The following CNBD1 variants were observed in gnomAD, a reference collection of about 807,000 sequenced individuals.
The protein encoded by CNBD1 is cyclic nucleotide binding domain containing 1.
Under a neutral mutation model 54.4 loss-of-function variants are expected in CNBD1, and 71 were observed. The observed-to-expected ratio is 1.30, with a 90% CI of 1.08 to 1.59. CNBD1 has a LOEUF of 1.59. Ranked by LOEUF, CNBD1 falls within the 40% of genes most tolerant of loss-of-function variation. The pLI, the probability that CNBD1 is intolerant of heterozygous loss-of-function variation, is 0.00. For missense variants in CNBD1, 659 were observed against 518.0 expected (o/e 1.27, Z -2.64); for synonymous variants, 182 against 170.7 (o/e 1.07, Z -0.51).
intron 5 of CNBD1, among the ~76,000 whole-genome samples, chr8:87,232,018 A>G (rs1264368624): frequency 2.0e-5 from 3 of 152,150 alleles, no homozygotes; most frequent in Non-Finnish European, 4.4e-5. Context: ...CTTTGTAATG[A>G]AGTCAGACAG....
At chr8:86,873,541 C>A (rs922359205) in intron 1 of CNBD1, among the ~76,000 whole-genome samples, 1 of 152,026 alleles carries the variant, frequency 6.6e-6, no homozygotes, top group African/African-American at 2.4e-5. Flanking sequence ...CACCTGTAAT[C>A]CCAGCACTTT....
intron 4 of CNBD1, among the ~76,000 whole-genome samples, chr8:87,080,627 A>G (rs1185359476): frequency 6.6e-6 from 1 of 152,018 alleles, no homozygotes; most frequent in East Asian, 1.9e-4. Context: ...ATGATTATTT[A>G]GGATTTGAAT....
intron 10 of CNBD1, among the ~76,000 whole-genome samples, chr8:87,374,117 A>C (rs1192217589): frequency 2.0e-5 from 3 of 151,806 alleles, no homozygotes; most frequent in African/African-American, 7.2e-5. Flanking sequence ...TAAAAAAAGA[A>C]AATCAGAATG....
intron 4 of CNBD1, among the ~76,000 whole-genome samples, chr8:87,009,417 C>T (rs1809168739): frequency 6.6e-6 from 1 of 152,112 alleles, no homozygotes; most frequent in Non-Finnish European, 1.5e-5. Flanking sequence ...TCTTCTGCCT[C>T]AGCCTCCCGA....
At chr8:87,327,622 G>T (rs992156086) in intron 8 of CNBD1, among the ~76,000 whole-genome samples, 2 of 152,186 alleles carry the variant, frequency 1.3e-5, no homozygotes, top group African/African-American at 4.8e-5. Context: ...CTGACCCCTT[G>T]CGCTTCCCAG....
chr8:87,381,596 C>A (rs1466101347), intron 10 of CNBD1, among the ~76,000 whole-genome samples: 3 of 151,710 alleles, frequency 2.0e-5, no homozygotes, highest in African/African-American at 7.3e-5. Flanking sequence ...CAGCATTATG[C>A]ATAATAGCTA....
intron 4 of CNBD1, among the ~76,000 whole-genome samples, chr8:86,992,460 C>T (rs1429198335): frequency 6.6e-6 from 1 of 152,022 alleles, no homozygotes; most frequent in African/African-American, 2.4e-5. Context: ...GCATTTAGAC[C>T]ATTTTCATTC....
At chr8:87,317,079 T>C (rs939424566) in intron 8 of CNBD1, among the ~76,000 whole-genome samples, 1 of 151,832 alleles carries the variant, frequency 6.6e-6, no homozygotes, top group Non-Finnish European at 1.5e-5. Context: ...AGGGTTGTTA[T>C]AAGAAATTTT....
intron 4 of CNBD1, among the ~76,000 whole-genome samples, chr8:87,181,161 G>C (rs918086174): frequency 6.6e-6 from 1 of 152,118 alleles, no homozygotes; most frequent in African/African-American, 2.4e-5. Context: ...TGAGAGGAGA[G>C]TGATGAACAG....
At chr8:87,006,204 C>T (rs372849067) in intron 4 of CNBD1, among the ~76,000 whole-genome samples, 1 of 151,930 alleles carries the variant, frequency 6.6e-6, no homozygotes, top group Non-Finnish European at 1.5e-5. Context: ...CACTCTAAAT[C>T]GGGGGAAAAA....
chr8:87,395,746 C>T (rs1051757534), intron 2 of CNBD1, among the ~76,000 whole-genome samples: 1 of 151,852 alleles, frequency 6.6e-6, no homozygotes, highest in Non-Finnish European at 1.5e-5. Context: ...CCACCCAAAT[C>T]TCATCTTGAA....
chr8:87,192,958 A>T (rs1813643759), intron 4 of CNBD1, among the ~76,000 whole-genome samples: 1 of 152,206 alleles, frequency 6.6e-6, no homozygotes, highest in Admixed American at 6.5e-5. Context: ...ACATTAGTGA[A>T]AATATTACAA....
rs528047153 is a variant in CNBD1 at position 87,084,822 on chromosome 8, T to C, written c.432-121171T>C. Among the ~76,000 whole-genome samples the C allele has an allele frequency of 2.4e-3, 367 of 152,114 alleles. 1 individual carries two copies. Among genetic ancestry groups the C allele is most frequent in the South Asian group, 5.4e-3 (26 of 4,808 alleles). On this transcript the variant is annotated intron_variant, in intron 4 of 10. Transcript: ENST00000518476. ...CTCCTGAATAGCTGGGATTCAGGCA[T>C]GTGCCACCATGCCCAGCTAATTTTG...
At chr8:87,173,593 C>T (rs1295784257) in intron 4 of CNBD1, among the ~76,000 whole-genome samples, 2 of 151,638 alleles carry the variant, frequency 1.3e-5, no homozygotes, top group Admixed American at 1.3e-4. Context: ...TCGGCATTTT[C>T]AATATGTCAT....
At position 87,010,537 on chromosome 8, in the gene CNBD1, C is replaced by G. The variant is rs568646933; in HGVS notation, c.431+70783C>G. ...TCCAGGCGGGTGGATCACCTGAGGT[C>G]AGGAGTTCAAGACTAGACTTGCCAA... is the stretch of plus-strand genomic sequence containing the variant. On this transcript the variant is annotated intron_variant, in intron 4 of 10. Transcript: ENST00000518476. Among the ~76,000 whole-genome samples the G allele has an allele frequency of 8.5e-5, 13 of 152,212 alleles. No homozygotes were observed. In the South Asian group the frequency reaches 2.3e-3, roughly 27 times the overall value.
chr8:87,153,119 C>T (rs953312343), intron 4 of CNBD1, among the ~76,000 whole-genome samples: 1 of 152,090 alleles, frequency 6.6e-6, no homozygotes, highest in Admixed American at 6.6e-5. Context: ...TAGCTATTTA[C>T]TTTTCTGCTT....
intron 4 of CNBD1, among the ~76,000 whole-genome samples, chr8:87,081,591 C>T (rs1288547007): frequency 2.7e-5 from 4 of 150,220 alleles, no homozygotes; most frequent in Non-Finnish European, 5.9e-5. Context: ...CTGCAAGCTT[C>T]GCCTCCCTGG....
chr8:87,126,009 C>T (rs892728468), intron 4 of CNBD1, among the ~76,000 whole-genome samples: 5 of 149,620 alleles, frequency 3.3e-5, no homozygotes, highest in Non-Finnish European at 7.4e-5. Context: ...TCATTTGTTC[C>T]TTCCTTTTTA....
At chr8:87,070,604 G>A (rs1185185937) in intron 4 of CNBD1, among the ~76,000 whole-genome samples, 1 of 151,968 alleles carries the variant, frequency 6.6e-6, no homozygotes, top group East Asian at 1.9e-4. Flanking sequence ...AAGTGTAATG[G>A]GACATTATTA....
Sources: gnomAD v4.1 joint callset for allele counts (sites outside exome capture counted in the v4.1 genomes callset) on GRCh38, gnomAD v4.1.1 for gene constraint, MANE v1.5 for transcripts, NCBI Gene and HGNC (gene_info 2026-07-23, HGNC 2026-07-21) for gene names.